Variants in CEP83 observed in about 807,000 individuals in gnomAD.
CEP83 encodes the protein centrosomal protein 83.
A neutral mutation model predicts 101.9 loss-of-function variants in CEP83; 70 were observed. The ratio of observed to expected loss-of-function variants is 0.69; its 90% confidence interval spans 0.57 to 0.84. The LOEUF is 0.84. CEP83 is among the 40% of genes least tolerant of loss of function. The pLI, the probability that CEP83 is intolerant of heterozygous loss-of-function variation, is 0.00. For synonymous variants in CEP83, 264 were observed against 267.9 expected, an observed-to-expected ratio of 0.99 and a Z score of 0.14; for missense variants, 715 against 787.2, an observed-to-expected ratio of 0.91 and a Z score of 1.10.
At chr12:94,345,482 A>G (rs1350062212) in intron 11 of CEP83, among the ~76,000 whole-genome samples, 2 of 152,142 alleles carry the variant, frequency 1.3e-5, no homozygotes, top group Admixed American at 6.5e-5. Flanking sequence ...GTCTTTGGTT[A>G]TAATACTGGG....
At chr12:94,412,757 T>C (rs1220955593) in intron 2 of CEP83, among the ~76,000 whole-genome samples, 166 bp from the exon 3 acceptor site, 1 of 148,474 alleles carries the variant, frequency 6.7e-6, no homozygotes, top group Non-Finnish European at 1.5e-5. Context: ...TGGTGTGATC[T>C]CGGCTCACTG....
intron 14 of CEP83, among the ~76,000 whole-genome samples, chr12:94,321,142 T>C (rs1301567270): frequency 6.6e-6 from 1 of 152,240 alleles, no homozygotes; most frequent in East Asian, 1.9e-4. Context: ...TCTGAAATTA[T>C]TCAGCTTGGT....
At chr12:94,386,859 G>A (rs1001093407) in intron 6 of CEP83, among the ~76,000 whole-genome samples, 3 of 152,036 alleles carry the variant, frequency 2.0e-5, no homozygotes, top group Non-Finnish European at 2.9e-5. Flanking sequence ...TCCTAGCATT[G>A]TTGAGATGAT....
chr12:94,420,910 A>T (rs1019851147), intron 2 of CEP83, among the ~76,000 whole-genome samples: 1 of 152,214 alleles, frequency 6.6e-6, no homozygotes, highest in Non-Finnish European at 1.5e-5. Flanking sequence ...CATTAAAGTC[A>T]GGAAAATATT....
At chr12:94,439,971 T>C (rs958267126) in intron 1 of CEP83, among the ~76,000 whole-genome samples, 2 of 152,086 alleles carry the variant, frequency 1.3e-5, no homozygotes, top group Non-Finnish European at 2.9e-5. Context: ...AGAAAAAGCA[T>C]GACAAAATTC....
intron 6 of CEP83, among the ~76,000 whole-genome samples, chr12:94,385,674 T>C (rs751407081): frequency 1.7e-4 from 26 of 152,156 alleles, no homozygotes; most frequent in Admixed American, 1.7e-3. Context: ...TCATTTCTGA[T>C]TGGATGTCAG....
At chr12:94,401,004 A>G (rs758719565) in intron 5 of CEP83, 23 bp from the exon 6 acceptor site, 1 of 1,298,138 alleles carries the variant, frequency 7.7e-7, no homozygotes, top group Non-Finnish European at 1.0e-6. Flanking sequence ...TGCATTTATC[A>G]TAGATTTATA....
intron 8 of CEP83, among the ~76,000 whole-genome samples, chr12:94,374,673 G>A (rs567115909): frequency 2.0e-5 from 3 of 152,244 alleles, no homozygotes; most frequent in Admixed American, 6.5e-5. Flanking sequence ...AATGATATTA[G>A]GTAACTTGCC....
At chr12:94,394,365 G>A (rs2137448920) in intron 6 of CEP83, among the ~76,000 whole-genome samples, 1 of 152,244 alleles carries the variant, frequency 6.6e-6, no homozygotes, top group East Asian at 1.9e-4. Flanking sequence ...ATAAAAACAA[G>A]CAATGGAGAA....
intron 2 of CEP83, among the ~76,000 whole-genome samples, chr12:94,430,013 C>G (rs186608420): frequency 6.6e-6 from 1 of 152,100 alleles, no homozygotes; most frequent in Non-Finnish European, 1.5e-5. Context: ...TAAGGATCAC[C>G]CCACCCCTTC....
chr12:94,291,765 G>A, the CEP83 span, among the ~76,000 whole-genome samples: 12 of 152,102 alleles, frequency 7.9e-5, no homozygotes, highest in Admixed American at 2.0e-4. Context: ...TGGACATTTC[G>A]TATATTCTTT....
At chr12:94,298,491 A>G in the CEP83 span, 2 of 708,896 alleles carry the variant, frequency 2.8e-6, no homozygotes, top group Non-Finnish European at 4.5e-6. Context: ...ACATTTGACA[A>G]TTTTACATTT....
At chr12:94,303,054 C>T (rs1306194080), downstream of CEP83, among the ~76,000 whole-genome samples, 2 of 152,126 alleles carry the variant, frequency 1.3e-5, no homozygotes, top group Non-Finnish European at 1.5e-5. Flanking sequence ...TACCTATCTT[C>T]CCTGAGTAGA....
chr12:94,387,172 A>G (rs576216892), intron 6 of CEP83, among the ~76,000 whole-genome samples: 25 of 152,308 alleles, frequency 1.6e-4, no homozygotes, highest in Non-Finnish European at 2.9e-4. Flanking sequence ...GACTAAATTT[A>G]TGACCCTCTA....
intron 8 of CEP83, among the ~76,000 whole-genome samples, chr12:94,375,550 A>G (rs1353497987): frequency 6.6e-6 from 1 of 152,234 alleles, no homozygotes; most frequent in Non-Finnish European, 1.5e-5. Flanking sequence ...AATGGAGCCT[A>G]GAAAAATCAT....
In CEP83 at chr12:94,312,963, A is replaced by G. The variant is rs1486787107; in HGVS notation, c.1762T>C (p.Leu588=). ...LKRLQEKVEV[L]EAKKEELETE... is the part of the protein sequence containing the mutation. Reference sequence around the variant, plus strand: ...TCCAATTCTTCTTTCTTTGCCTCCAAGACTTCTACTTTCTCTTGTAGTCTT... The same window carrying G: ...TCCAATTCTTCTTTCTTTGCCTCCAGGACTTCTACTTTCTCTTGTAGTCTT... Residue 588 remains leucine, a synonymous_variant, in exon 15 of 17, where the codon TTG becomes CTG. Transcript: ENST00000397809. 6.3e-7 allele frequency: 1 copy of G among 1,595,102 alleles called. No individual in the cohort carries two copies.
At chr12:94,392,402 C>T (rs565855150) in intron 6 of CEP83, among the ~76,000 whole-genome samples, 46 of 152,100 alleles carry the variant, frequency 3.0e-4, no homozygotes, top group Non-Finnish European at 5.4e-4. Flanking sequence ...GGGTAAATAA[C>T]GAAATGAAGG....
chr12:94,434,702 C>T (rs982558842), intron 2 of CEP83, among the ~76,000 whole-genome samples: 1 of 152,182 alleles, frequency 6.6e-6, no homozygotes, highest in Non-Finnish European at 1.5e-5. Context: ...TTTGCATGTA[C>T]ATAATGAGTA....
At chr12:94,289,970 A>G in the CEP83 span, among the ~76,000 whole-genome samples, 2 of 152,252 alleles carry the variant, frequency 1.3e-5, no homozygotes, top group African/African-American at 4.8e-5. Flanking sequence ...GCCTGAGCAC[A>G]GCACTAGCAG....
Sources: gnomAD v4.1 joint callset for allele counts (sites outside exome capture counted in the v4.1 genomes callset) on GRCh38, gnomAD v4.1.1 for gene constraint, MANE v1.5 for transcripts, NCBI Gene and HGNC (gene_info 2026-07-23, HGNC 2026-07-21) for gene names.